VTI1A: variants seen among roughly 807,000 people sequenced by gnomAD.
The protein encoded by VTI1A is vesicle transport through interaction with t-SNAREs 1A.
Under a neutral mutation model 34.9 loss-of-function variants are expected in VTI1A, and 22 were observed. The observed-to-expected ratio is 0.63, with a 90% CI of 0.45 to 0.90. The LOEUF (loss-of-function observed/expected upper bound fraction) is 0.90. VTI1A is among the 40% of genes least tolerant of loss of function. VTI1A has a pLI of 0.00. For synonymous variants in VTI1A, 87 were observed against 97.3 expected (o/e 0.89, Z 0.62); for missense variants, 268 against 275.6 (o/e 0.97, Z 0.20).
intron 7 of VTI1A, chr10:112,737,073 TTTTTC>T: frequency 1.8e-5 from 7 of 380,958 alleles, no homozygotes; most frequent in Non-Finnish European, 2.8e-5. Flanking sequence ...TTTTTTTTTC[TTTTTC>T]TTTTTTTTTT....
downstream of VTI1A, among the ~76,000 whole-genome samples, chr10:112,818,928 C>T (rs905078946): frequency 6.6e-5 from 10 of 152,008 alleles, no homozygotes; most frequent in Admixed American, 1.3e-4. Flanking sequence ...TTTCATGTAG[C>T]GTCTTCCACA....
intron 5 of VTI1A, among the ~76,000 whole-genome samples, chr10:112,540,902 C>G (rs1276443471): frequency 6.6e-6 from 1 of 152,130 alleles, no homozygotes; most frequent in African/African-American, 2.4e-5. Flanking sequence ...TGAAACAGCA[C>G]AAAACAGGGA....
At chr10:112,576,934 A>G (rs998424754) in intron 5 of VTI1A, among the ~76,000 whole-genome samples, 6 of 152,218 alleles carry the variant, frequency 3.9e-5, no homozygotes, top group African/African-American at 1.4e-4. Context: ...GTATATGCCA[A>G]TATTTTCTAC....
chr10:112,808,989 C>T lies in VTI1A; in HGVS notation c.561-6301C>T, dbSNP rs539727066. Among the ~76,000 whole-genome samples, 616 of 152,302 alleles carry T rather than the reference C, an allele frequency of 4.0e-3. 5 individuals carry two copies. Among genetic ancestry groups the T allele is most frequent in the African/African-American group, 0.013 (559 of 41,554 alleles). The stretch of plus-strand genomic sequence containing the variant: ...AATTCCATCTGGCTTGAGTGGCAGA[C>T]CAATCCTTGAGCAAATGGTAGTGCA... On this transcript the variant is annotated intron_variant, in intron 7 of 7. Coordinates refer to ENST00000393077, the MANE Select transcript of VTI1A (RefSeq NM_145206.4).
chr10:112,777,096 G>A (rs1010570283), intron 7 of VTI1A, among the ~76,000 whole-genome samples: 6 of 152,072 alleles, frequency 3.9e-5, no homozygotes, highest in South Asian at 2.1e-4. Flanking sequence ...AGTTCACTAC[G>A]CTGACTTTTA....
intron 7 of VTI1A, among the ~76,000 whole-genome samples, chr10:112,791,424 T>TA (rs1852474732): frequency 6.6e-6 from 1 of 152,122 alleles, no homozygotes; most frequent in South Asian, 2.1e-4. Context: ...ATTCTTTTTT[T>TA]AAAAAAGAAG....
At chr10:112,736,111 G>GTGTA (rs778802494) in intron 7 of VTI1A, among the ~76,000 whole-genome samples, 22 of 116,192 alleles carry the variant, frequency 1.9e-4, no homozygotes, top group East Asian at 9.6e-4. Context: ...ATGTGTGTGT[G>GTGTA]TATATATATA....
At chr10:112,550,770 GA>G (rs1851320535) in intron 5 of VTI1A, among the ~76,000 whole-genome samples, 1 of 151,974 alleles carries the variant, frequency 6.6e-6, no homozygotes, top group Non-Finnish European at 1.5e-5. Flanking sequence ...GAGAGAGGAA[GA>G]AACCATCCTA....
At chr10:112,754,901 A>G (rs1851227100) in intron 7 of VTI1A, among the ~76,000 whole-genome samples, 1 of 152,260 alleles carries the variant, frequency 6.6e-6, no homozygotes, top group Non-Finnish European at 1.5e-5. Context: ...GAAAATGTCA[A>G]AAATGTGTTC....
chr10:112,468,169 A>G (rs1847963116), intron 3 of VTI1A, among the ~76,000 whole-genome samples: 1 of 152,060 alleles, frequency 6.6e-6, no homozygotes, highest in South Asian at 2.1e-4. Context: ...CGTGGTAAAG[A>G]CCTTGGCTTT....
intron 5 of VTI1A, among the ~76,000 whole-genome samples, chr10:112,589,528 C>T (rs1364103770): frequency 2.6e-5 from 4 of 151,856 alleles, no homozygotes; most frequent in Non-Finnish European, 2.9e-5. Flanking sequence ...CACGTGAAAA[C>T]GAACTAATAC....
intron 5 of VTI1A, among the ~76,000 whole-genome samples, chr10:112,590,926 T>G (rs567523885): frequency 6.6e-6 from 1 of 150,684 alleles, no homozygotes; most frequent in Admixed American, 6.6e-5. Flanking sequence ...CATGGCAAAA[T>G]CCTGTCTGTA....
At chr10:112,644,006 G>C (rs1183483350) in intron 5 of VTI1A, among the ~76,000 whole-genome samples, 2 of 151,916 alleles carry the variant, frequency 1.3e-5, no homozygotes, top group Non-Finnish European at 2.9e-5. Flanking sequence ...AAATGTCCTG[G>C]CTTTCAAGTC....
Position 112,537,311 on chromosome 10 carries a change from GTATATATATA to G in VTI1A, c.343-917_343-908del, listed in dbSNP as rs10682533. Among the ~76,000 whole-genome samples the G allele has an allele frequency of 3.9e-3, 255 of 65,270 alleles. 14 individuals are homozygous for G. The highest frequency in any genetic ancestry group is 0.012 in the Middle Eastern group (1 of 82). The allele number at this position is 65,270 out of a possible 152,430, so 42.8% of individuals were successfully genotyped here. ...CATTTATATATTTCTAAGTATCTAGGTATATATATATATATATATATATATATCTGTATCA... is the reference window on the plus strand; with the variant it reads ...CATTTATATATTTCTAAGTATCTAGGTATATATATATATATATCTGTATCA... On this transcript the variant is annotated intron_variant, in intron 4 of 7. Coordinates refer to ENST00000393077, the MANE Select transcript of VTI1A (RefSeq NM_145206.4).
chr10:112,463,272 C>CT (rs1275809446), intron 2 of VTI1A, among the ~76,000 whole-genome samples: 1 of 152,144 alleles, frequency 6.6e-6, no homozygotes, highest in African/African-American at 2.4e-5. Flanking sequence ...CTTCTGCTAT[C>CT]TTGTATAGTG....
intron 7 of VTI1A, among the ~76,000 whole-genome samples, chr10:112,712,856 G>A (rs1427751137): frequency 6.6e-6 from 1 of 152,128 alleles, no homozygotes; most frequent in Non-Finnish European, 1.5e-5. Flanking sequence ...AGACTGTCAG[G>A]ATGTGCTCCC....
At chr10:112,632,007 ATAATTG>A (rs1182209397) in intron 5 of VTI1A, among the ~76,000 whole-genome samples, 1 of 152,242 alleles carries the variant, frequency 6.6e-6, no homozygotes, top group Non-Finnish European at 1.5e-5. Context: ...TTATAACAAT[ATAATTG>A]TAATTGTAAT....
At chr10:112,730,190 T>G (rs756499173) in intron 7 of VTI1A, among the ~76,000 whole-genome samples, 1 of 152,242 alleles carries the variant, frequency 6.6e-6, no homozygotes, top group African/African-American at 2.4e-5. Flanking sequence ...AGATGGGCTT[T>G]TTAAGGGGGA....
chr10:112,626,215 C>T (rs573537225), intron 5 of VTI1A, among the ~76,000 whole-genome samples: 11 of 152,218 alleles, frequency 7.2e-5, no homozygotes, highest in African/African-American at 2.2e-4. Context: ...AGCCCCCTTC[C>T]GGAGGTCACA....
Sources: allele counts gnomAD v4.1 joint callset (sites outside exome capture counted in the v4.1 genomes callset), GRCh38; gene constraint gnomAD v4.1.1; transcripts MANE v1.5; gene names NCBI Gene and HGNC (gene_info 2026-07-23, HGNC 2026-07-21).